Variants in GABRB1 observed in about 807,000 individuals in gnomAD.
The protein encoded by GABRB1 is gamma-aminobutyric acid receptor subunit beta-1.
In GABRB1, 17 loss-of-function variants were observed where a neutral mutation model predicts 51.6. That is an observed-to-expected ratio of 0.33 (90% CI 0.23 to 0.49). The LOEUF (loss-of-function observed/expected upper bound fraction) is 0.49. Among genes scored for constraint, GABRB1 ranks in the 20% least tolerant of loss-of-function variants. The pLI, the probability that GABRB1 is intolerant of heterozygous loss-of-function variation, is 0.99. For synonymous variants in GABRB1, 247 were observed against 218.9 expected (o/e 1.13, Z -1.14); for missense variants, 410 against 600.6 (o/e 0.68, Z 3.32).
chr4:47,103,943 A>T (rs1714835532), intron 3 of GABRB1, among the ~76,000 whole-genome samples: 1 of 151,782 alleles, frequency 6.6e-6, no homozygotes, highest in Non-Finnish European at 1.5e-5. Flanking sequence ...AAAAAATAAA[A>T]ATAAGAAAAA....
intron 4 of GABRB1, among the ~76,000 whole-genome samples, chr4:47,308,172 T>C (rs188183444): frequency 2.5e-4 from 38 of 152,114 alleles, no homozygotes; most frequent in South Asian, 2.1e-3. Context: ...CTGTTTCCCA[T>C]TGAAAAAATT....
intron 4 of GABRB1, among the ~76,000 whole-genome samples, chr4:47,270,688 C>T (rs1037959463): frequency 1.3e-5 from 2 of 152,166 alleles, no homozygotes; most frequent in African/African-American, 4.8e-5. Flanking sequence ...TCCATGACAA[C>T]AGTGGGAGCT....
intron 4 of GABRB1, among the ~76,000 whole-genome samples, chr4:47,246,295 T>TAC (rs1721736619): frequency 1.0e-5 from 1 of 98,984 alleles, no homozygotes; most frequent in African/African-American, 4.1e-5. Flanking sequence ...TATATATATA[T>TAC]ATATACACAC....
At position 47,258,069 on chromosome 4, in the gene GABRB1, A is replaced by G. The variant is rs1337869144; in HGVS notation, c.462-62058A>G. 5.9e-5 allele frequency among the ~76,000 whole-genome samples: 9 copies of G among 152,206 alleles called. No homozygotes were observed. In the East Asian group the frequency reaches 1.7e-3, roughly 29 times the overall value. On this transcript the variant is annotated intron_variant, in intron 4 of 8. Coordinates refer to ENST00000295454, the MANE Select transcript of GABRB1 (RefSeq NM_000812.4). ...AATAGAGTTCAGGTTGAGAAGCAGC[A>G]TTCTAGAGTGTATCTATTAATTCTG...
At chr4:47,025,716 T>C (rs1725068666) in intron 1 of GABRB1, among the ~76,000 whole-genome samples, 1 of 152,024 alleles carries the variant, frequency 6.6e-6, no homozygotes. Flanking sequence ...AGAAGTTTTT[T>C]TCCCAAACAA....
At chr4:47,031,438 G>A, upstream of GABRB1, 2 of 573,598 alleles carry the variant, frequency 3.5e-6, no homozygotes, top group Non-Finnish European at 6.2e-6. Context: ...TGACTACCCG[G>A]AGGACATGGA....
intron 3 of GABRB1, among the ~76,000 whole-genome samples, chr4:47,101,338 G>T (rs1714711811): frequency 6.6e-6 from 1 of 151,834 alleles, no homozygotes; most frequent in African/African-American, 2.4e-5. Context: ...CAAAACAAGG[G>T]GAACAAAAAT....
chr4:47,016,988 T>A (rs532923492), intron 1 of GABRB1, among the ~76,000 whole-genome samples: 1 of 152,278 alleles, frequency 6.6e-6, no homozygotes, highest in South Asian at 2.1e-4. Flanking sequence ...CTGTTATAAT[T>A]AGAAATTTTA....
intron 3 of GABRB1, among the ~76,000 whole-genome samples, chr4:47,091,025 C>T (rs1296551293): frequency 6.6e-6 from 1 of 152,128 alleles, no homozygotes; most frequent in Admixed American, 6.5e-5. Context: ...TGTTATTCCA[C>T]AGGGCAACTT....
At chr4:47,152,062 T>C (rs533086958) in intron 3 of GABRB1, among the ~76,000 whole-genome samples, 36 of 152,156 alleles carry the variant, frequency 2.4e-4, no homozygotes, top group African/African-American at 7.5e-4. Flanking sequence ...GCTTTTGTCA[T>C]CTCCTGGAAA....
At chr4:47,026,870 G>T (rs144560778), upstream of GABRB1, among the ~76,000 whole-genome samples, 1 of 151,850 alleles carries the variant, frequency 6.6e-6, no homozygotes, top group Non-Finnish European at 1.5e-5. Flanking sequence ...AATTAATAAC[G>T]TACTAGAAAA....
At chr4:47,117,619 A>G (rs1194173700) in intron 3 of GABRB1, among the ~76,000 whole-genome samples, 1 of 152,214 alleles carries the variant, frequency 6.6e-6, no homozygotes, top group Non-Finnish European at 1.5e-5. Flanking sequence ...TTGGGTAGCA[A>G]TAAGACTACT....
chr4:47,184,542 G>A lies in GABRB1; in HGVS notation c.461+23073G>A, dbSNP rs1719090085. Among the ~76,000 whole-genome samples, 6 of 151,972 alleles carry A rather than the reference G, an allele frequency of 3.9e-5. No homozygotes were observed. The South Asian group carries it at 1.2e-3, about 32-fold the overall frequency. On this transcript the variant is annotated intron_variant, in intron 4 of 8. Transcript: ENST00000295454. ...ATAGCACTTCTTTTAGCACTACACT[G>A]AACTAATGTCAAGCCCTGCTCAGCT...
intron 3 of GABRB1, among the ~76,000 whole-genome samples, chr4:47,102,892 T>C (rs959544340): frequency 6.6e-6 from 1 of 151,980 alleles, no homozygotes; most frequent in Non-Finnish European, 1.5e-5. Context: ...CCAGCCACAA[T>C]CACATAAATG....
chr4:47,196,110 C>A (rs1486348897), intron 4 of GABRB1, among the ~76,000 whole-genome samples: 2 of 152,172 alleles, frequency 1.3e-5, no homozygotes, highest in Non-Finnish European at 2.9e-5. Context: ...GGAACTCCAC[C>A]AACTGAGAAT....
chr4:47,345,643 T>TA (rs1726062828), intron 5 of GABRB1, among the ~76,000 whole-genome samples: 1 of 152,134 alleles, frequency 6.6e-6, no homozygotes, highest in Admixed American at 6.6e-5. Context: ...GAAATGTAGG[T>TA]ATAAGTTGAG....
chr4:47,297,851 A>T (rs949147281), intron 4 of GABRB1, among the ~76,000 whole-genome samples: 1 of 150,918 alleles, frequency 6.6e-6, no homozygotes, highest in African/African-American at 2.4e-5. Context: ...TTGATGCAAA[A>T]ATTAACCAAA....
chr4:47,024,498 G>A (rs971051028), intron 1 of GABRB1, among the ~76,000 whole-genome samples: 12 of 151,908 alleles, frequency 7.9e-5, no homozygotes, highest in African/African-American at 1.2e-4. Flanking sequence ...ACATGCGACC[G>A]AAGAAAATAT....
rs56838956 is a variant in GABRB1 at position 47,254,361 on chromosome 4, GTTT to G, written c.462-65737_462-65735del. Among the ~76,000 whole-genome samples, 321 of 80,964 alleles carry G rather than the reference GTTT, an allele frequency of 4.0e-3. 73 individuals carry two copies. The East Asian group carries it at 0.059, about 15-fold the overall frequency. The allele number at this position is 80,964 out of a possible 152,430, so 53.1% of individuals were successfully genotyped here. ...ATGGTGGATGATGTTTCTTTTCTTTGTTTTTTTTTTTTTTTTTTTTTTTTTTTT... is the reference window on the plus strand; with the variant it reads ...ATGGTGGATGATGTTTCTTTTCTTTGTTTTTTTTTTTTTTTTTTTTTTTTT... On this transcript the variant is annotated intron_variant, in intron 4 of 8. Transcript: ENST00000295454.
Sources: allele counts gnomAD v4.1 joint callset (sites outside exome capture counted in the v4.1 genomes callset), GRCh38; gene constraint gnomAD v4.1.1; transcripts MANE v1.5; gene names NCBI Gene and HGNC (gene_info 2026-07-23, HGNC 2026-07-21).